MTMR10: variants seen among roughly 807,000 people sequenced by gnomAD.
MTMR10 encodes myotubularin-related protein 10.
MTMR10 carries 56 observed loss-of-function variants against 88.1 expected under a neutral mutation model. That is an observed-to-expected ratio of 0.64 (90% CI 0.51 to 0.79). The LOEUF (loss-of-function observed/expected upper bound fraction) is 0.79, where lower values mean the gene tolerates loss of function less well. MTMR10 is among the 30% of genes least tolerant of loss of function. MTMR10 has a pLI of 0.00. For synonymous variants in MTMR10, 380 were observed against 340.9 expected (o/e 1.11, Z -1.26); for missense variants, 883 against 924.7 (o/e 0.95, Z 0.58).
At chr15:30,931,454 T>C in the MTMR10 span, among the ~76,000 whole-genome samples, 1 of 152,260 alleles carries the variant, frequency 6.6e-6, no homozygotes, top group South Asian at 2.1e-4. Flanking sequence ...TTATTTGTTC[T>C]CTAGTGGATC....
chr15:30,984,442 C>T (rs2030805409), intron 2 of MTMR10, among the ~76,000 whole-genome samples: 1 of 152,152 alleles, frequency 6.6e-6, no homozygotes, highest in Non-Finnish European at 1.5e-5. Context: ...AATTAAAATA[C>T]TACAAAAATC....
At chr15:30,937,016 C>T, downstream of MTMR10, 1 of 858,300 alleles carries the variant, frequency 1.2e-6, no homozygotes, top group Non-Finnish European at 1.9e-6. Context: ...AGTGAGAGAG[C>T]AGAAGAGCCA....
At chr15:30,926,029 C>T in the MTMR10 span, 1 of 1,274,128 alleles carries the variant, frequency 7.8e-7, no homozygotes, top group African/African-American at 1.5e-5. Context: ...CTGCTGTCCT[C>T]TCTCTGTCCT....
In MTMR10 at chr15:30,941,411, G is replaced by GTTAA; in HGVS notation, c.*55_*58dup. 1 of 1,562,326 alleles carries GTTAA rather than the reference G, an allele frequency of 6.4e-7. No individual in the cohort carries two copies. The highest frequency in any genetic ancestry group is 8.6e-7 in the Non-Finnish European group (1 of 1,157,052). On this transcript the variant is annotated 3_prime_UTR_variant, in exon 16 of 16. Coordinates refer to ENST00000435680, the MANE Select transcript of MTMR10 (RefSeq NM_017762.3). ...AGATTCAAACGCCTAGGTTAGCAAT[G>GTTAA]TTAATTCAGAGGAAAAAAGTTGACA... is the stretch of plus-strand genomic sequence containing the variant.
At chr15:30,959,353 A>C (rs2063370504) in intron 7 of MTMR10, among the ~76,000 whole-genome samples, 1 of 152,202 alleles carries the variant, frequency 6.6e-6, no homozygotes, top group Non-Finnish European at 1.5e-5. Flanking sequence ...GAAAATTCCA[A>C]AGAAGGTATT....
chr15:30,956,112 A>G (rs1034834732), intron 9 of MTMR10: 1 of 152,198 alleles, frequency 6.6e-6, no homozygotes, highest in East Asian at 1.9e-4. Flanking sequence ...ATTTTGGTGC[A>G]ATCTTTCTAG....
At chr15:30,954,255 C>T (rs1306515528) in intron 10 of MTMR10, among the ~76,000 whole-genome samples, 1 of 152,208 alleles carries the variant, frequency 6.6e-6, no homozygotes, top group Non-Finnish European at 1.5e-5. Flanking sequence ...TCCCTGGTGA[C>T]TTAGAGGATC....
At chr15:30,977,094 A>G in intron 2 of MTMR10, 139 bp from the exon 3 acceptor site, 1 of 769,732 alleles carries the variant, frequency 1.3e-6, no homozygotes, top group East Asian at 2.7e-5. Flanking sequence ...GGTGCCAGGC[A>G]CTGTATGGTC....
chr15:30,991,325 G>C (rs973505689), intron 1 of MTMR10, 122 bp downstream of exon 1: 5 of 1,028,914 alleles, frequency 4.9e-6, no homozygotes, highest in Non-Finnish European at 6.6e-6. Context: ...TCAGGCAGCC[G>C]CGCTGCTGTG....
chr15:30,942,438 CTTTGTTCTGTACCTTTCAGTA>C, intron 15 of MTMR10: 1 of 318,938 alleles, frequency 3.1e-6, no homozygotes. Context: ...ATGTCTGATT[CTTTGTTCTGTACCTTTCAGTA>C]GTCTGCAAAT....
intron 9 of MTMR10, among the ~76,000 whole-genome samples, chr15:30,956,725 C>T (rs1442067920): frequency 1.3e-5 from 2 of 152,208 alleles, no homozygotes; most frequent in Admixed American, 1.3e-4. Context: ...GCTGAAAACA[C>T]AAAAGGCATT....
chr15:30,991,106 C>A (rs535503108), intron 1 of MTMR10, among the ~76,000 whole-genome samples: 1 of 152,166 alleles, frequency 6.6e-6, no homozygotes, highest in African/African-American at 2.4e-5. Flanking sequence ...TGACCCCAAG[C>A]GCTGCAATCA....
At chr15:30,922,272 G>C in the MTMR10 span, 1 of 1,613,554 alleles carries the variant, frequency 6.2e-7, no homozygotes, top group Non-Finnish European at 8.5e-7. Context: ...TTGTCTCAGA[G>C]AATTTATTGT....
intron 5 of MTMR10, among the ~76,000 whole-genome samples, chr15:30,969,671 TC>T (rs1227551623): frequency 2.0e-5 from 3 of 152,166 alleles, no homozygotes; most frequent in African/African-American, 7.2e-5. Flanking sequence ...AATTTTGCTC[TC>T]CTGATAATCT....
chr15:30,939,244 C>T lies in MTMR10; in HGVS notation c.*2226G>A, dbSNP rs2062956476. On this transcript the variant is annotated 3_prime_UTR_variant, in exon 16 of 16. Transcript: ENST00000435680. ...AAAATCAGTTTCCATCATAAAATAA[C>T]AGCAAGACACTGTACACCTTTACGT... 4.1e-6 allele frequency: 4 copies of T among 985,444 alleles called. No homozygotes were observed. Among genetic ancestry groups the T allele is most frequent in the Non-Finnish European group, 4.8e-6 (4 of 829,916 alleles). 61.0% of individuals were successfully genotyped at this position (985,444 alleles called of 1,614,324 possible).
intron 3 of MTMR10, among the ~76,000 whole-genome samples, chr15:30,975,646 A>G (rs1204923783): frequency 1.3e-5 from 2 of 152,228 alleles, no homozygotes; most frequent in Non-Finnish European, 2.9e-5. Context: ...GGGTATCTTT[A>G]AGTGCCTTAA....
rs534213832 is a variant in MTMR10 at position 30,987,769 on chromosome 15, T to C, written c.121+3008A>G. 2.0e-5 allele frequency among the ~76,000 whole-genome samples: 3 copies of C among 152,144 alleles called. No individual in the cohort carries two copies. In the East Asian group the frequency reaches 5.8e-4, roughly 30 times the overall value. On this transcript the variant is annotated intron_variant, in intron 2 of 15. Coordinates refer to ENST00000435680, the MANE Select transcript of MTMR10 (RefSeq NM_017762.3). The stretch of plus-strand genomic sequence containing the variant: ...ATAGGTATATACGTGCCATGCTGGT[T>C]TGCTGCACCCATCAACCCCGTCATC...
intron 2 of MTMR10, among the ~76,000 whole-genome samples, chr15:30,977,742 T>C (rs1235276844): frequency 6.6e-6 from 1 of 152,192 alleles, no homozygotes; most frequent in African/African-American, 2.4e-5. Flanking sequence ...TTTAGCCCGA[T>C]AGAATGTTTG....
At chr15:30,935,995 T>A (rs987864797), downstream of MTMR10, among the ~76,000 whole-genome samples, 2 of 152,148 alleles carry the variant, frequency 1.3e-5, no homozygotes, top group Non-Finnish European at 2.9e-5. Flanking sequence ...ATTTGGAAAA[T>A]TTTTGGCCAT....
Sources: allele counts gnomAD v4.1 joint callset (sites outside exome capture counted in the v4.1 genomes callset), GRCh38; gene constraint gnomAD v4.1.1; transcripts MANE v1.5; gene names NCBI Gene and HGNC (gene_info 2026-07-23, HGNC 2026-07-21).